The following FREM1 variants were observed in gnomAD, a reference collection of about 807,000 sequenced individuals.
FREM1 encodes FRAS1 related extracellular matrix 1.
FREM1 carries 220 observed loss-of-function variants against 210.1 expected under a neutral mutation model. The ratio of observed to expected loss-of-function variants is 1.05; its 90% CI spans 0.94 to 1.17. The LOEUF is 1.17. Among genes scored for constraint, FREM1 ranks in the 50% most tolerant of loss-of-function variants. FREM1 has a pLI of 0.00. For missense variants in FREM1, 3,454 were observed against 2,675.5 expected, an observed-to-expected ratio of 1.29 and a Z score of -6.42; for synonymous variants, 1,189 against 980.2, an observed-to-expected ratio of 1.21 and a Z score of -3.98.
chr9:14,860,706 C>CACATATATAT (rs1564100501), intron 3 of FREM1, among the ~76,000 whole-genome samples: 74 of 79,454 alleles, frequency 9.3e-4, no homozygotes, highest in African/African-American at 4.3e-3. Flanking sequence ...CACATATATA[C>CACATATATAT]ACACATATAT....
chr9:14,804,620 A>G (rs181075675), intron 19 of FREM1, among the ~76,000 whole-genome samples: 11 of 152,194 alleles, frequency 7.2e-5, no homozygotes, highest in Non-Finnish European at 7.4e-5. Context: ...GACTACTTCC[A>G]GAGAAGAGCA....
At chr9:14,842,871 G>A (rs1346033392) in intron 8 of FREM1, among the ~76,000 whole-genome samples, 2 of 152,182 alleles carry the variant, frequency 1.3e-5, no homozygotes, top group Admixed American at 6.5e-5. Flanking sequence ...GCAGATTTGA[G>A]CAAGGTATTT....
chr9:14,813,333 A>G lies in FREM1; in HGVS notation c.2641-269T>C, dbSNP rs574349028. On this transcript the variant is annotated intron_variant, in intron 15 of 36. Transcript: ENST00000380880. ...GGACTCAAAACTCTCATTTGTTTCT[A>G]GACAGAAAAAATACAAATGTAATAT... Among the ~76,000 whole-genome samples the G allele has an allele frequency of 2.0e-5, 3 of 152,338 alleles. No homozygotes were observed. The East Asian group carries it at 5.8e-4, about 29-fold the overall frequency.
At chr9:14,823,020 T>A (rs1821664634) in intron 13 of FREM1, 140 bp downstream of exon 13, 1 of 536,264 alleles carries the variant, frequency 1.9e-6, no homozygotes, top group Non-Finnish European at 3.0e-6. Context: ...TTTTCTTCTT[T>A]TTTTTACTAC....
intron 32 of FREM1, 120 bp from the exon 33 acceptor site, chr9:14,747,548 A>G: frequency 8.9e-7 from 1 of 1,122,226 alleles, no homozygotes; most frequent in Non-Finnish European, 1.3e-6. Context: ...TGTTTCTCTG[A>G]ACACCCAAGC....
intron 10 of FREM1, among the ~76,000 whole-genome samples, chr9:14,826,050 A>G (rs1245109016): frequency 6.6e-6 from 1 of 151,346 alleles, no homozygotes; most frequent in Non-Finnish European, 1.5e-5. Context: ...GAATATCCAA[A>G]CTCCTTAGCA....
At chr9:14,872,983 G>T (rs1481117745) in intron 1 of FREM1, among the ~76,000 whole-genome samples, 1 of 150,564 alleles carries the variant, frequency 6.6e-6, no homozygotes, top group African/African-American at 2.4e-5. Context: ...ATTGATTTGC[G>T]TATATTGAAC....
intron 24 of FREM1, among the ~76,000 whole-genome samples, chr9:14,777,741 G>T (rs1848865627): frequency 6.6e-6 from 1 of 152,090 alleles, no homozygotes; most frequent in African/African-American, 2.4e-5. Flanking sequence ...TGTGAAATGT[G>T]TCTTGTCCTT....
rs1303777150 is a variant in FREM1, at chr9:14,860,632, T to TAC, written c.330-1149_330-1148insGT. Among the ~76,000 whole-genome samples, 10 of 144,050 alleles carry TAC rather than the reference T, an allele frequency of 6.9e-5. No homozygotes were observed. In the East Asian group the frequency reaches 1.9e-3, roughly 27 times the overall value. 94.5% of individuals were successfully genotyped at this position (144,050 alleles called of 152,430 possible). A position where few individuals can be genotyped will look rare whatever the true frequency, so the allele number is the denominator to read the frequency against. On this transcript the variant is annotated intron_variant, in intron 3 of 36. Transcript: ENST00000380880. ...ATATACACACATATATATACACATA[T>TAC]ATACACATGTATACATATATACACA...
At chr9:14,791,529 CT>C (rs1851314271) in intron 22 of FREM1, among the ~76,000 whole-genome samples, 1 of 152,156 alleles carries the variant, frequency 6.6e-6, no homozygotes, top group Admixed American at 6.5e-5. Context: ...CCCACACTGC[CT>C]TTTTGGTCCA....
chr9:14,746,978 T>C lies in FREM1; in HGVS notation c.6083A>G (p.Gln2028Arg), dbSNP rs1563819621. 2.5e-6 allele frequency: 4 copies of C among 1,613,420 alleles called. No individual in the cohort carries two copies. The highest frequency in any genetic ancestry group is 3.4e-6 in the Non-Finnish European group (4 of 1,179,680). ...KGLFHFEEGI[Q>R]KLYQCNGIAW... The stretch of plus-strand genomic sequence containing the variant: ...GATCCCATTGCACTGATACAGCTTC[T>C]GGATGCCTTCTTCAAAATGGAAGAG... Residue 2028 changes from glutamine (Q) to arginine (R), a missense_variant, in exon 34 of 37, where the codon CAG becomes CGG. By Grantham distance (43) the Gln-to-Arg change is conservative. Transcript: ENST00000380880.
chr9:14,886,895 C>CA (rs59827471), intron 1 of FREM1, among the ~76,000 whole-genome samples: 6,683 of 95,112 alleles, frequency 0.07, 296 homozygotes, highest in Non-Finnish European at 0.093. Context: ...GACCTTGTTT[C>CA]AAAAAAAAAA....
Position 14,848,893 on chromosome 9 carries a change from C to T in FREM1, c.1153-120G>A, listed in dbSNP as rs968466608. 4.1e-5 allele frequency: 22 copies of T among 533,376 alleles called. 1 individual carries two copies. Among genetic ancestry groups the T allele is most frequent in the African/African-American group, 1.5e-4 (8 of 53,922 alleles). 33.0% of individuals were successfully genotyped at this position (533,376 alleles called of 1,614,324 possible). A position where few individuals can be genotyped will look rare whatever the true frequency, so the allele number is the denominator to read the frequency against. ...TTTTCTGCGGGGATTCACATTTCTG[C>T]AGTTCCCACATCTCATTTAGACATC... On this transcript the variant is annotated intron_variant, in intron 6 of 36. Coordinates refer to ENST00000380880, the MANE Select transcript of FREM1 (RefSeq NM_001379081.2).
intron 29 of FREM1, among the ~76,000 whole-genome samples, chr9:14,755,308 G>A (rs150859087): frequency 1.2e-3 from 182 of 152,340 alleles, no homozygotes; most frequent in African/African-American, 4.2e-3. Context: ...GCAATTTTGA[G>A]GTGGTGCTGG....
At chr9:14,749,908 C>G (rs1048438148) in intron 30 of FREM1, among the ~76,000 whole-genome samples, 1 of 152,230 alleles carries the variant, frequency 6.6e-6, no homozygotes, top group African/African-American at 2.4e-5. Context: ...ACAACTACGG[C>G]ACTGACTTGT....
chr9:14,901,637 C>A (rs1838798231), intron 1 of FREM1, among the ~76,000 whole-genome samples: 1 of 152,082 alleles, frequency 6.6e-6, no homozygotes, highest in South Asian at 2.1e-4. Flanking sequence ...ACACAGGTCA[C>A]CTTTAGTTCA....
intron 19 of FREM1, among the ~76,000 whole-genome samples, chr9:14,803,736 T>C (rs966727965): frequency 9.9e-5 from 15 of 152,280 alleles, no homozygotes; most frequent in Admixed American, 8.5e-4. Context: ...CCACATTTTA[T>C]TGAACATGTG....
At chr9:14,813,721 T>C (rs927996216) in intron 15 of FREM1, among the ~76,000 whole-genome samples, 1 of 151,930 alleles carries the variant, frequency 6.6e-6, no homozygotes, top group African/African-American at 2.4e-5. Flanking sequence ...GCACTCTAAA[T>C]TTAAAAAGAT....
chr9:14,804,395 C>A (rs925229539), intron 19 of FREM1, among the ~76,000 whole-genome samples: 1 of 152,118 alleles, frequency 6.6e-6, no homozygotes, highest in Non-Finnish European at 1.5e-5. Flanking sequence ...ACCATCCTGG[C>A]TAACACGGTG....
Sources: allele counts gnomAD v4.1 joint callset (sites outside exome capture counted in the v4.1 genomes callset), GRCh38; gene constraint gnomAD v4.1.1; transcripts MANE v1.5; gene names NCBI Gene and HGNC (gene_info 2026-07-23, HGNC 2026-07-21).